TCF7L2: variants seen among roughly 807,000 people sequenced by gnomAD.
The protein encoded by TCF7L2 is transcription factor 7-like 2.
Under a neutral mutation model 77.9 loss-of-function variants are expected in TCF7L2, and 23 were observed. The observed-to-expected ratio is 0.30, with a 90% confidence interval of 0.21 to 0.42. The LOEUF (loss-of-function observed/expected upper bound fraction) is 0.42, where lower values mean the gene tolerates loss of function less well. TCF7L2 is among the 10% of genes least tolerant of loss of function. TCF7L2 has a pLI of 1.00. For missense variants in TCF7L2, 654 were observed against 793.1 expected (o/e 0.82, Z 2.11); for synonymous variants, 413 against 340.2 (o/e 1.21, Z -2.36).
At chr10:113,043,513 G>A (rs563310248) in intron 5 of TCF7L2, among the ~76,000 whole-genome samples, 1 of 152,256 alleles carries the variant, frequency 6.6e-6, no homozygotes, top group South Asian at 2.1e-4. Flanking sequence ...CAACAGGGAC[G>A]ATGCCTTCAT....
At position 112,961,083 on chromosome 10, in the gene TCF7L2, C is replaced by T. The variant is rs768098895; in HGVS notation, c.382-3473C>T. ...AGGCTGGAGTGCAATGCCTAGATCTCGCTCACCGCAACCTCCCCCTCCCGG... is the reference window on the plus strand; with the variant it reads ...AGGCTGGAGTGCAATGCCTAGATCTTGCTCACCGCAACCTCCCCCTCCCGG... On this transcript the variant is annotated intron_variant, in intron 3 of 13. Coordinates refer to ENST00000627217, the MANE Select transcript of TCF7L2 (RefSeq NM_001146274.2). Among the ~76,000 whole-genome samples, 11 of 150,214 alleles carry T rather than the reference C, an allele frequency of 7.3e-5. 1 individual carries two copies. The South Asian group carries it at 1.3e-3, about 17-fold the overall frequency.
intron 4 of TCF7L2, among the ~76,000 whole-genome samples, chr10:112,993,827 C>A (rs183238815): frequency 6.6e-6 from 1 of 152,046 alleles, no homozygotes; most frequent in South Asian, 2.1e-4. Flanking sequence ...GAGGCCAAGG[C>A]GGGCGGATCT....
chr10:112,951,721 CCCCT>C, intron 3 of TCF7L2, 114 bp downstream of exon 3: 8 of 428,436 alleles, frequency 1.9e-5, no homozygotes, highest in Non-Finnish European at 2.5e-5. Flanking sequence ...CCCGCCTCCT[CCCCT>C]CCCTCCCTCC....
At chr10:112,957,887 G>A (rs541980778) in intron 3 of TCF7L2, among the ~76,000 whole-genome samples, 2 of 152,280 alleles carry the variant, frequency 1.3e-5, no homozygotes, top group African/African-American at 2.4e-5. Context: ...AACTGACTAC[G>A]CGGTATAAGG....
At chr10:112,985,752 C>T (rs897672380) in intron 4 of TCF7L2, among the ~76,000 whole-genome samples, 1 of 152,074 alleles carries the variant, frequency 6.6e-6, no homozygotes, top group Non-Finnish European at 1.5e-5. Flanking sequence ...TGAATGCCCC[C>T]CCCTTCACTT....
chr10:113,049,834 G>C (rs2054110555), intron 5 of TCF7L2, among the ~76,000 whole-genome samples: 1 of 152,054 alleles, frequency 6.6e-6, no homozygotes, highest in Admixed American at 6.5e-5. Flanking sequence ...ACTAAGCCCA[G>C]GCACTGGCCA....
At chr10:113,044,625 C>T (rs539911791) in intron 5 of TCF7L2, among the ~76,000 whole-genome samples, 4 of 152,308 alleles carry the variant, frequency 2.6e-5, no homozygotes, top group African/African-American at 9.6e-5. Context: ...CTGATTTCGG[C>T]TGAGAAGTTG....
intron 4 of TCF7L2, among the ~76,000 whole-genome samples, chr10:113,034,788 C>A (rs958498229): frequency 6.6e-6 from 1 of 151,968 alleles, no homozygotes; most frequent in Non-Finnish European, 1.5e-5. Flanking sequence ...CCCAGCTACT[C>A]GGGAGGCTGA....
chr10:112,987,875 C>T (rs1044054102), intron 4 of TCF7L2: 3 of 137,180 alleles, frequency 2.2e-5, no homozygotes, highest in Admixed American at 1.4e-4. Flanking sequence ...GGGTGTAATA[C>T]ACCCATGAAA....
intron 5 of TCF7L2, among the ~76,000 whole-genome samples, chr10:113,064,173 T>G (rs1314433725): frequency 1.3e-5 from 2 of 152,120 alleles, no homozygotes; most frequent in Non-Finnish European, 2.9e-5. Context: ...GGCATCACAA[T>G]TTTCTTGCTT....
At chr10:113,074,024 C>G (rs867522562) in intron 5 of TCF7L2, among the ~76,000 whole-genome samples, 14 of 152,214 alleles carry the variant, frequency 9.2e-5, no homozygotes, top group South Asian at 2.1e-4. Context: ...TGGTGTCGGC[C>G]GCTGGTGAGC....
At chr10:113,164,528 T>C (rs1191727025) in intron 13 of TCF7L2, among the ~76,000 whole-genome samples, 1 of 151,222 alleles carries the variant, frequency 6.6e-6, no homozygotes, top group Non-Finnish European at 1.5e-5. Flanking sequence ...CCTCCATCCA[T>C]CCCATCCTCA....
intron 7 of TCF7L2, among the ~76,000 whole-genome samples, chr10:113,144,659 A>G (rs1211215672): frequency 2.0e-5 from 3 of 152,186 alleles, no homozygotes; most frequent in African/African-American, 7.2e-5. Flanking sequence ...TTGCACGTTG[A>G]ATGTTTTACC....
intron 5 of TCF7L2, among the ~76,000 whole-genome samples, chr10:113,096,945 CT>C (rs1311798836): frequency 6.6e-6 from 1 of 152,184 alleles, no homozygotes; most frequent in African/African-American, 2.4e-5. Context: ...TGGGACCCCC[CT>C]GCTCGGCTTC....
intron 5 of TCF7L2, among the ~76,000 whole-genome samples, chr10:113,084,871 G>A (rs1252543328): frequency 6.6e-6 from 1 of 151,460 alleles, no homozygotes; most frequent in African/African-American, 2.4e-5. Flanking sequence ...ACTCCAGCCT[G>A]GGTGACAAAG....
chr10:112,984,232 C>T (rs2041048578), intron 4 of TCF7L2, among the ~76,000 whole-genome samples: 1 of 152,332 alleles, frequency 6.6e-6, no homozygotes, highest in East Asian at 1.9e-4. Context: ...GTAGGTTATA[C>T]CTTCCCACCC....
Position 113,166,300 on chromosome 10 carries a change from AT to A in TCF7L2, c.*330del. 3.9e-6 allele frequency: 1 copy of A among 253,384 alleles called. No individual in the cohort carries two copies. The highest frequency in any genetic ancestry group is 1.8e-4 in the South Asian group (1 of 5,700). The allele number at this position is 253,384 out of a possible 1,614,324, so 15.7% of individuals were successfully genotyped here. ...CGGATAGCTTAGTTTTAAAAGACTG[AT>A]TAAAAAACAAAAAGAAAAAAAAAGC... On this transcript the variant is annotated 3_prime_UTR_variant, in exon 14 of 14. Transcript: ENST00000627217.
Position 113,166,974 on chromosome 10 carries a change from A to T in TCF7L2, c.*1002A>T, listed in dbSNP as rs1238330487. ...GGAATTTTAGCGACACTGTCTGAGC[A>T]GCAGTGGGAACCATCTTCGTTTCCC... On this transcript the variant is annotated 3_prime_UTR_variant, in exon 14 of 14. Transcript: ENST00000627217. 4.3e-6 allele frequency: 1 copy of T among 231,374 alleles called. No homozygotes were observed. The highest frequency in any genetic ancestry group is 2.2e-5 in the African/African-American group (1 of 45,254). The allele number at this position is 231,374 out of a possible 1,614,324, so 14.3% of individuals were successfully genotyped here.
chr10:113,000,499 G>A (rs1228544075), intron 4 of TCF7L2, among the ~76,000 whole-genome samples: 1 of 152,204 alleles, frequency 6.6e-6, no homozygotes, highest in Non-Finnish European at 1.5e-5. Context: ...GCCCAGAAAG[G>A]CAAAGTGACA....
Sources: gnomAD v4.1 joint callset for allele counts (sites outside exome capture counted in the v4.1 genomes callset) on GRCh38, gnomAD v4.1.1 for gene constraint, MANE v1.5 for transcripts, NCBI Gene and HGNC (gene_info 2026-07-23, HGNC 2026-07-21) for gene names.